Variants in AUTS2 observed in about 807,000 individuals in gnomAD.
AUTS2 encodes autism susceptibility gene 2 protein.
A neutral mutation model predicts 112.4 loss-of-function variants in AUTS2; 17 were observed. The ratio of observed to expected loss-of-function variants is 0.15; its 90% CI spans 0.10 to 0.23. The LOEUF (loss-of-function observed/expected upper bound fraction) is 0.23. Ranked by LOEUF, AUTS2 falls within the 10% of genes least tolerant of loss-of-function variation. The probability of loss-of-function intolerance (pLI) is 1.00; values close to 1 mark genes in which losing one functional copy is unlikely to be tolerated. For synonymous variants in AUTS2, 751 were observed against 702.7 expected (o/e 1.07, Z -1.09); for missense variants, 1,510 against 1,701.6 (o/e 0.89, Z 1.98).
chr7:70,516,544 C>T (rs1171247762), intron 5 of AUTS2, among the ~76,000 whole-genome samples: 1 of 152,198 alleles, frequency 6.6e-6, no homozygotes, highest in Non-Finnish European at 1.5e-5. Flanking sequence ...CTGTCCCTTC[C>T]TTGCTGTATC....
intron 2 of AUTS2, among the ~76,000 whole-genome samples, chr7:70,088,835 C>G (rs928986672): frequency 6.6e-6 from 1 of 151,910 alleles, no homozygotes; most frequent in Non-Finnish European, 1.5e-5. Flanking sequence ...GTGTGAGCCA[C>G]CGCGCCTGTC....
intron 5 of AUTS2, among the ~76,000 whole-genome samples, chr7:70,598,452 G>A (rs1278527090): frequency 6.6e-6 from 1 of 152,150 alleles, no homozygotes; most frequent in Non-Finnish European, 1.5e-5. Flanking sequence ...GCCTTGTAAC[G>A]TTCAAAAATG....
At chr7:70,684,845 T>G (rs1294360970) in intron 5 of AUTS2, among the ~76,000 whole-genome samples, 1 of 152,230 alleles carries the variant, frequency 6.6e-6, no homozygotes, top group Non-Finnish European at 1.5e-5. Flanking sequence ...CGTTACTCTC[T>G]TTGCCTCACA....
intron 6 of AUTS2, among the ~76,000 whole-genome samples, chr7:70,756,349 G>A (rs1275883081): frequency 2.0e-5 from 3 of 152,096 alleles, no homozygotes; most frequent in African/African-American, 7.2e-5. Context: ...GGTTGTTACT[G>A]CATTTGTGCA....
At chr7:70,466,984 A>C (rs1048681667) in intron 5 of AUTS2, among the ~76,000 whole-genome samples, 6 of 152,324 alleles carry the variant, frequency 3.9e-5, no homozygotes, top group Admixed American at 3.9e-4. Flanking sequence ...AAAAGGAGCT[A>C]AATTCTTCTT....
At position 70,632,997 on chromosome 7, in the gene AUTS2, A is replaced by G. The variant is rs12668598; in HGVS notation, c.691-65572A>G. 2.0e-4 allele frequency among the ~76,000 whole-genome samples: 27 copies of G among 132,324 alleles called. 1 individual carries two copies. The highest frequency in any genetic ancestry group is 4.3e-4 in the African/African-American group (11 of 25,790). 86.8% of individuals were successfully genotyped at this position (132,324 alleles called of 152,430 possible). A position where few individuals can be genotyped will look rare whatever the true frequency, so the allele number is the denominator to read the frequency against. On this transcript the variant is annotated intron_variant, in intron 5 of 18. Coordinates refer to ENST00000342771, the MANE Select transcript of AUTS2 (RefSeq NM_015570.4). ...AGGCAAAGCCCTCTACCTTGGGGGGAAAAAAAAAAGTTGGTCTGGAGGATA... is the reference window on the plus strand; with the variant it reads ...AGGCAAAGCCCTCTACCTTGGGGGGGAAAAAAAAAGTTGGTCTGGAGGATA...
chr7:70,475,590 A>G (rs939488311), intron 5 of AUTS2, among the ~76,000 whole-genome samples: 9 of 152,198 alleles, frequency 5.9e-5, no homozygotes, highest in South Asian at 2.1e-4. Flanking sequence ...GTGGTGCTCA[A>G]TTACAACTTA....
chr7:70,215,717 G>A (rs1433719126), intron 4 of AUTS2, among the ~76,000 whole-genome samples: 1 of 152,118 alleles, frequency 6.6e-6, no homozygotes, highest in Non-Finnish European at 1.5e-5. Flanking sequence ...TAACTTTTAG[G>A]TTTCTGGCTT....
At chr7:70,381,831 A>G (rs962751079) in intron 4 of AUTS2, among the ~76,000 whole-genome samples, 1 of 152,008 alleles carries the variant, frequency 6.6e-6, no homozygotes, top group Non-Finnish European at 1.5e-5. Context: ...AGCTCTCTTT[A>G]CCTTTATTTT....
At chr7:70,354,867 T>C (rs978320605) in intron 4 of AUTS2, among the ~76,000 whole-genome samples, 7 of 152,178 alleles carry the variant, frequency 4.6e-5, no homozygotes, top group African/African-American at 1.7e-4. Flanking sequence ...AAATTAACTT[T>C]TTGTTTCTTT....
intron 1 of AUTS2, among the ~76,000 whole-genome samples, chr7:69,714,249 ATGTGTGTGTG>A (rs200192496): frequency 1.2e-4 from 11 of 92,866 alleles, no homozygotes; most frequent in East Asian, 3.0e-4. Flanking sequence ...GTGTGTGTAT[ATGTGTGTGTG>A]TGTGTGTGTG....
chr7:69,732,018 G>A (rs933703577), intron 1 of AUTS2, among the ~76,000 whole-genome samples: 1 of 150,012 alleles, frequency 6.7e-6, no homozygotes, highest in Admixed American at 6.6e-5. Flanking sequence ...TTTTTTTTCC[G>A]CCATGCCTCA....
At chr7:70,693,731 A>T (rs891788053) in intron 5 of AUTS2, among the ~76,000 whole-genome samples, 37 of 152,306 alleles carry the variant, frequency 2.4e-4, no homozygotes, top group South Asian at 1.0e-3. Flanking sequence ...CTTGGTGGCA[A>T]TTCAACCCCA....
At chr7:69,889,846 G>T (rs1441418406) in intron 1 of AUTS2, among the ~76,000 whole-genome samples, 2 of 152,090 alleles carry the variant, frequency 1.3e-5, no homozygotes, top group Admixed American at 6.6e-5. Context: ...CCTGAGAATT[G>T]TGTGGTGCTA....
intron 2 of AUTS2, among the ~76,000 whole-genome samples, chr7:69,928,167 T>C (rs1584455331): frequency 6.6e-6 from 1 of 152,118 alleles, no homozygotes; most frequent in East Asian, 1.9e-4. Context: ...AGTCCCTGAG[T>C]CTGGCTGAGT....
intron 2 of AUTS2, among the ~76,000 whole-genome samples, chr7:69,960,309 T>G (rs1267363431): frequency 6.6e-6 from 1 of 152,214 alleles, no homozygotes; most frequent in African/African-American, 2.4e-5. Context: ...ACCAGGCTCA[T>G]TTTTCCATAA....
At chr7:70,354,958 G>C (rs765326096) in intron 4 of AUTS2, among the ~76,000 whole-genome samples, 3 of 149,618 alleles carry the variant, frequency 2.0e-5, no homozygotes, top group Admixed American at 6.7e-5. Context: ...AAGGGCTGCT[G>C]TGTGTGTGTG....
At chr7:70,270,419 A>C (rs79067469) in intron 4 of AUTS2, among the ~76,000 whole-genome samples, 7 of 152,304 alleles carry the variant, frequency 4.6e-5, no homozygotes, top group African/African-American at 1.7e-4. Context: ...GTGGTAGTAC[A>C]CGCCAATCCT....
intron 2 of AUTS2, among the ~76,000 whole-genome samples, chr7:69,913,009 A>G (rs1456018685): frequency 2.0e-5 from 3 of 152,220 alleles, no homozygotes; most frequent in African/African-American, 7.2e-5. Flanking sequence ...AGGACATTTT[A>G]GGCCCTGACT....
Sources: gnomAD v4.1 joint callset for allele counts (sites outside exome capture counted in the v4.1 genomes callset) on GRCh38, gnomAD v4.1.1 for gene constraint, MANE v1.5 for transcripts, NCBI Gene and HGNC (gene_info 2026-07-23, HGNC 2026-07-21) for gene names.